DENND1A: variants seen among roughly 807,000 people sequenced by gnomAD.
DENND1A encodes DENN domain containing 1A, also known as DENN domain-containing protein 1A.
DENND1A carries 51 observed loss-of-function variants against 113.7 expected under a neutral mutation model. That is an observed-to-expected ratio of 0.45 (90% CI 0.36 to 0.57). The LOEUF (loss-of-function observed/expected upper bound fraction) is 0.57, where lower values mean the gene tolerates loss of function less well. DENND1A is among the 20% of genes least tolerant of loss of function. DENND1A has a pLI of 0.00. For missense variants in DENND1A, 1,258 were observed against 1,395.9 expected, an observed-to-expected ratio of 0.90 and a Z score of 1.57; for synonymous variants, 565 against 570.8, an observed-to-expected ratio of 0.99 and a Z score of 0.14.
At chr9:123,825,129 CA>C (rs1839106218) in intron 2 of DENND1A, among the ~76,000 whole-genome samples, 1 of 151,758 alleles carries the variant, frequency 6.6e-6, no homozygotes, top group Admixed American at 6.6e-5. Context: ...GAAGAGAGAG[CA>C]ATTAAAGTTT....
intron 13 of DENND1A, among the ~76,000 whole-genome samples, chr9:123,478,799 T>G (rs983195874): frequency 3.3e-5 from 5 of 152,218 alleles, no homozygotes; most frequent in African/African-American, 1.2e-4. Flanking sequence ...AATAAAATGT[T>G]GGGGAAGATC....
Position 123,524,768 on chromosome 9 carries a change from G to A in DENND1A, c.993+32802C>T, listed in dbSNP as rs573295491. On this transcript the variant is annotated intron_variant, in intron 13 of 23. Coordinates refer to ENST00000394215, the MANE Select transcript of DENND1A (RefSeq NM_001352964.2). ...TTTCAAGAGGGGGTCACTGTCCCAC[G>A]TACTCAACATTTGTACCTTTGTGCT... Among the ~76,000 whole-genome samples, 86 of 152,294 alleles carry A rather than the reference G, an allele frequency of 5.6e-4. 1 individual carries two copies. The highest frequency in any genetic ancestry group is 1.7e-3 in the African/African-American group (70 of 41,568).
intron 5 of DENND1A, among the ~76,000 whole-genome samples, chr9:123,738,944 A>G (rs1319084663): frequency 2.0e-5 from 3 of 152,212 alleles, no homozygotes; most frequent in Admixed American, 6.5e-5. Flanking sequence ...AACCTGCAAC[A>G]TTTTGCAATA....
chr9:123,449,992 C>T (rs1233854632), intron 18 of DENND1A, among the ~76,000 whole-genome samples: 3 of 97,796 alleles, frequency 3.1e-5, no homozygotes, highest in African/African-American at 1.3e-4. Flanking sequence ...AAGGCTATGG[C>T]AATAAAAAAA....
At chr9:123,740,431 G>T (rs2068911662) in intron 5 of DENND1A, among the ~76,000 whole-genome samples, 4 of 152,120 alleles carry the variant, frequency 2.6e-5, no homozygotes, top group Admixed American at 2.6e-4. Context: ...TTTAGAGTCT[G>T]GGACACTTTC....
At chr9:123,443,051 TC>T (rs1343624844) in intron 18 of DENND1A, among the ~76,000 whole-genome samples, 1 of 152,134 alleles carries the variant, frequency 6.6e-6, no homozygotes, top group Non-Finnish European at 1.5e-5. Flanking sequence ...CACACTTAGT[TC>T]CCACAATGAT....
At chr9:123,619,758 T>C (rs1406545517) in intron 10 of DENND1A, among the ~76,000 whole-genome samples, 1 of 152,144 alleles carries the variant, frequency 6.6e-6, no homozygotes, top group Non-Finnish European at 1.5e-5. Context: ...TTGTGGTATG[T>C]GGATTAAATT....
At chr9:123,566,840 T>C (rs535250386) in intron 12 of DENND1A, among the ~76,000 whole-genome samples, 33 of 152,152 alleles carry the variant, frequency 2.2e-4, no homozygotes, top group African/African-American at 7.9e-4. Flanking sequence ...TTCCTCCAAA[T>C]ACTTTTTTTT....
intron 2 of DENND1A, among the ~76,000 whole-genome samples, chr9:123,839,322 C>G (rs1841491517): frequency 6.6e-6 from 1 of 152,148 alleles, no homozygotes; most frequent in Admixed American, 6.5e-5. Context: ...TACAACAGAC[C>G]TCTCCACCTC....
chr9:123,527,972 A>G (rs1252391549), intron 13 of DENND1A, among the ~76,000 whole-genome samples: 1 of 152,204 alleles, frequency 6.6e-6, no homozygotes, highest in Admixed American at 6.5e-5. Flanking sequence ...GCTGTATTAA[A>G]TGAGATGACA....
intron 1 of DENND1A, among the ~76,000 whole-genome samples, chr9:123,897,945 G>GA (rs745985411): frequency 1.8e-3 from 204 of 113,738 alleles, no homozygotes; most frequent in East Asian, 2.4e-3. Flanking sequence ...GTCTCAAGCG[G>GA]AAAAAAAAAA....
At chr9:123,779,130 TA>T (rs933630474) in intron 3 of DENND1A, among the ~76,000 whole-genome samples, 2 of 152,186 alleles carry the variant, frequency 1.3e-5, no homozygotes, top group Admixed American at 6.5e-5. Context: ...GCTCTATGGA[TA>T]ATGGAGAGCT....
intron 13 of DENND1A, among the ~76,000 whole-genome samples, chr9:123,521,161 C>T (rs1034918559): frequency 1.1e-4 from 16 of 152,250 alleles, no homozygotes; most frequent in Admixed American, 1.3e-4. Context: ...CCCCTGTGTG[C>T]CCATGCTACG....
intron 13 of DENND1A, among the ~76,000 whole-genome samples, chr9:123,489,788 C>T (rs1373078192): frequency 6.6e-6 from 1 of 152,206 alleles, no homozygotes; most frequent in African/African-American, 2.4e-5. Context: ...AACTCAGTCT[C>T]CTTATGGGCA....
intron 5 of DENND1A, among the ~76,000 whole-genome samples, chr9:123,686,609 T>C (rs183253774): frequency 3.3e-5 from 5 of 152,326 alleles, no homozygotes; most frequent in African/African-American, 1.2e-4. Context: ...CATGTTATAT[T>C]CAGAAACACA....
chr9:123,630,323 G>T, intron 10 of DENND1A, 53 bp downstream of exon 10: 1 of 1,184,930 alleles, frequency 8.4e-7, no homozygotes, highest in Non-Finnish European at 1.1e-6. Flanking sequence ...CACCTAACAC[G>T]CCCAGTCAGA....
intron 19 of DENND1A, among the ~76,000 whole-genome samples, chr9:123,418,231 A>T (rs560610724): frequency 1.3e-5 from 2 of 152,268 alleles, no homozygotes; most frequent in South Asian, 4.1e-4. Context: ...TGGCCACACC[A>T]CTGCTGGGAG....
At chr9:123,815,673 C>A (rs867793972) in intron 2 of DENND1A, among the ~76,000 whole-genome samples, 3 of 152,146 alleles carry the variant, frequency 2.0e-5, no homozygotes, top group African/African-American at 4.8e-5. Context: ...TACTTTATTA[C>A]TTAAAACTAA....
intron 13 of DENND1A, among the ~76,000 whole-genome samples, chr9:123,544,084 C>CT (rs2056482050): frequency 6.6e-6 from 1 of 152,158 alleles, no homozygotes; most frequent in South Asian, 2.1e-4. Context: ...ATGAATGTGG[C>CT]TTTTATCATG....
Sources: gnomAD v4.1 joint callset for allele counts (sites outside exome capture counted in the v4.1 genomes callset) on GRCh38, gnomAD v4.1.1 for gene constraint, MANE v1.5 for transcripts, NCBI Gene and HGNC (gene_info 2026-07-23, HGNC 2026-07-21) for gene names.